Variants in MAP3K21 observed in about 807,000 individuals in gnomAD.
MAP3K21 encodes mitogen-activated protein kinase kinase kinase MLK4.
Under a neutral mutation model 86.1 loss-of-function variants are expected in MAP3K21, and 63 were observed. The ratio of observed to expected loss-of-function variants is 0.73; its 90% CI spans 0.60 to 0.90. The LOEUF (loss-of-function observed/expected upper bound fraction) is 0.90, where lower values mean the gene tolerates loss of function less well. MAP3K21 is among the 40% of genes least tolerant of loss of function. The pLI, the probability that MAP3K21 is intolerant of heterozygous loss-of-function variation, is 0.00. For missense variants in MAP3K21, 1,220 were observed against 1,367.7 expected (o/e 0.89, Z 1.70); for synonymous variants, 558 against 564.8 (o/e 0.99, Z 0.17).
chr1:233,372,199 C>G, intron 6 of MAP3K21, 39 bp downstream of exon 6: 1 of 1,608,098 alleles, frequency 6.2e-7, no homozygotes, highest in East Asian at 2.2e-5. Flanking sequence ...CCTGTGTTGA[C>G]TTCTCTCCTT....
Position 233,373,611 on chromosome 1 carries a change from A to T in MAP3K21, c.1675+1451A>T, listed in dbSNP as rs887733964. 3 of 152,400 alleles carry T rather than the reference A, an allele frequency of 2.0e-5. No individual in the cohort carries two copies. The East Asian group carries it at 5.8e-4, about 29-fold the overall frequency. 9.4% of individuals were successfully genotyped at this position (152,400 alleles called of 1,614,324 possible). A position where few individuals can be genotyped will look rare whatever the true frequency, so the allele number is the denominator to read the frequency against. ...TGGCAGCTGTTGGCTCAAGTTCTCC[A>T]GCCTGGATGTTGCTCATCTTCATTG... On this transcript the variant is annotated intron_variant, in intron 6 of 9. Transcript: ENST00000366624.
intron 6 of MAP3K21, chr1:233,374,097 T>C (rs1213088550): frequency 2.6e-5 from 4 of 152,196 alleles, no homozygotes; most frequent in Non-Finnish European, 4.4e-5. Context: ...TTATCTGTCA[T>C]TCTACTGTAA....
chr1:233,354,709 C>A, intron 3 of MAP3K21, 127 bp from the exon 4 acceptor site: 1 of 756,252 alleles, frequency 1.3e-6, no homozygotes, highest in Non-Finnish European at 2.3e-6. Flanking sequence ...GGAGCAGATA[C>A]TATAAATGGA....
intron 4 of MAP3K21, among the ~76,000 whole-genome samples, chr1:233,356,529 G>A (rs1348560832): frequency 6.6e-6 from 1 of 152,016 alleles, no homozygotes; most frequent in Non-Finnish European, 1.5e-5. Flanking sequence ...TACATATTAT[G>A]ATTCCTGTTA....
At position 233,346,446 on chromosome 1, in the gene MAP3K21, G is replaced by A. The variant is rs768441676; in HGVS notation, c.810G>A (p.Leu270=). The change falls in exon 2 of 10, where the codon TTG becomes TTA. Residue 270 remains leucine (L), a synonymous_variant. Coordinates refer to ENST00000366624, the MANE Select transcript of MAP3K21 (RefSeq NM_032435.3). ...LHRDLKSSNI[L]LLEKIEHDDI... ...TCACTTTTGATTTTTCTTTAGTTTT[G>A]CTACTTGAGAAGATAGAACATGATG... 6.3e-7 allele frequency: 1 copy of A among 1,579,760 alleles called. No homozygotes were observed. Among genetic ancestry groups the A allele is most frequent in the Non-Finnish European group, 8.6e-7 (1 of 1,162,520 alleles).
At chr1:233,352,615 G>C (rs1663271048) in intron 2 of MAP3K21, among the ~76,000 whole-genome samples, 1 of 151,988 alleles carries the variant, frequency 6.6e-6, no homozygotes, top group South Asian at 2.1e-4. Flanking sequence ...ATTTTTAGTA[G>C]AAACAGGGTT....
In MAP3K21 at chr1:233,382,492, AGT is replaced by A. The variant is rs1434818258; in HGVS notation, c.2895_2896del (p.Gln967AlafsTer26). ...TGCCTCAGGCTTACCCACAGACAGCAGTGTCTCAGCTGGCACAGACTGCCTGT... is the reference window on the plus strand; with the variant it reads ...TGCCTCAGGCTTACCCACAGACAGCAGTCTCAGCTGGCACAGACTGCCTGT... ...DLPQAYPQTA[V>X]SQLAQTACVV... On this transcript the variant is annotated frameshift_variant, in exon 10 of 10. Coordinates refer to ENST00000366624, the MANE Select transcript of MAP3K21 (RefSeq NM_032435.3). LOFTEE classifies it low-confidence loss of function (END_TRUNC). 1 of 1,614,056 alleles carries A rather than the reference AGT, an allele frequency of 6.2e-7. No homozygotes were observed. Among genetic ancestry groups the A allele is most frequent in the African/African-American group, 1.3e-5 (1 of 74,912 alleles).
rs960271205 is a variant in MAP3K21, at chr1:233,328,253, G to A, written c.225G>A (p.Ser75=). Residue 75 remains serine (S), a synonymous_variant, in exon 1 of 10, where the codon TCG becomes TCA. Transcript: ENST00000366624. This position sits in a 1 kb window ranked among gnomAD's most constrained non-coding sequence, Gnocchi z 8.7. ...TGCTGTCGCAGGACGCCGCCGTGTC[G>A]GGCGACGAGGGCTGGTGGGCAGGCC... ...VEVLSQDAAV[S]GDEGWWAGQV... is the part of the protein sequence containing the mutation. 3 of 1,489,544 alleles carry A rather than the reference G, an allele frequency of 2.0e-6. No individual in the cohort carries two copies. Among genetic ancestry groups the A allele is most frequent in the Non-Finnish European group, 2.7e-6 (3 of 1,127,876 alleles). 92.3% of individuals were successfully genotyped at this position (1,489,544 alleles called of 1,614,324 possible). A position where few individuals can be genotyped will look rare whatever the true frequency, so the allele number is the denominator to read the frequency against.
chr1:233,348,673 T>C (rs937843365), intron 2 of MAP3K21, among the ~76,000 whole-genome samples: 1 of 152,188 alleles, frequency 6.6e-6, no homozygotes, highest in African/African-American at 2.4e-5. Context: ...TCTGACCTTT[T>C]GATTCGGGCC....
rs951641435 is a variant in MAP3K21, at chr1:233,383,411, A to G, written c.*700A>G. On this transcript the variant is annotated 3_prime_UTR_variant, in exon 10 of 10. Transcript: ENST00000366624. ...AAAGCTTTACTGAATATAAGTTATA[A>G]GCATTTTATTCATTAGAACTCCAAA... 9.0e-6 allele frequency: 1 copy of G among 111,154 alleles called. No individual in the cohort carries two copies. The highest frequency in any genetic ancestry group is 2.0e-5 in the Non-Finnish European group (1 of 49,870). 6.9% of individuals were successfully genotyped at this position (111,154 alleles called of 1,614,324 possible).
intron 6 of MAP3K21, among the ~76,000 whole-genome samples, chr1:233,375,086 C>T (rs974635901): frequency 4.6e-5 from 7 of 151,658 alleles, no homozygotes; most frequent in Admixed American, 2.0e-4. Flanking sequence ...GGATTACAGG[C>T]GCCCGCCACC....
intron 2 of MAP3K21, among the ~76,000 whole-genome samples, chr1:233,351,344 A>G (rs964084693): frequency 6.6e-6 from 1 of 152,166 alleles, no homozygotes; most frequent in Non-Finnish European, 1.5e-5. Flanking sequence ...ATGTTTTGAG[A>G]TGGTAGAGTG....
intron 1 of MAP3K21, among the ~76,000 whole-genome samples, chr1:233,330,374 T>C (rs1415234118): frequency 6.6e-6 from 1 of 152,236 alleles, no homozygotes; most frequent in African/African-American, 2.4e-5. Flanking sequence ...TTGCTTGCTT[T>C]TGAACTGTGT....
At position 233,379,617 on chromosome 1, in the gene MAP3K21, C is replaced by T. The variant is rs775720657; in HGVS notation, c.2611C>T (p.Gln871Ter). ...VSRNLPSSFLQQTCGNVPYCA... is the reference protein window; with the variant it reads ...VSRNLPSSFL ...AAGAAACTTGCCGTCTTCCTTCCTA[C>T]AGCAGACATGTGGGAATGTACCTTA... The change falls in exon 9 of 10, where the codon CAG becomes TAG. Residue 871 changes from glutamine to a stop codon, truncating the protein, a stop_gained. Coordinates refer to ENST00000366624, the MANE Select transcript of MAP3K21 (RefSeq NM_032435.3). LOFTEE classifies it high-confidence loss of function. 5.6e-6 allele frequency: 9 copies of T among 1,614,138 alleles called. No homozygotes were observed. The highest frequency in any genetic ancestry group is 3.3e-5 in the Admixed American group (2 of 60,024).
chr1:233,382,040 A>T (rs1025875755), intron 9 of MAP3K21, among the ~76,000 whole-genome samples: 3 of 152,144 alleles, frequency 2.0e-5, no homozygotes, highest in Admixed American at 2.0e-4. Context: ...CTCTTTGCAA[A>T]CTTGCAGGAC....
intron 2 of MAP3K21, 27 bp downstream of exon 2, chr1:233,346,649 G>A (rs1431633106): frequency 5.0e-6 from 8 of 1,597,450 alleles, no homozygotes; most frequent in Non-Finnish European, 6.0e-6. Flanking sequence ...GCAAACATCG[G>A]CAGAAACTGC....
At chr1:233,373,883 A>G in intron 6 of MAP3K21, 1 of 152,514 alleles carries the variant, frequency 6.6e-6, no homozygotes, top group Non-Finnish European at 1.5e-5. Flanking sequence ...TGGAAACAAA[A>G]GAGAAACCAG....
rs535983791 is a variant in MAP3K21, at chr1:233,342,001, C to T, written c.806-4441C>T. 2.0e-5 allele frequency among the ~76,000 whole-genome samples: 3 copies of T among 151,714 alleles called. No individual in the cohort carries two copies. The East Asian group carries it at 5.8e-4, about 29-fold the overall frequency. On this transcript the variant is annotated intron_variant, in intron 1 of 9. Transcript: ENST00000366624. The stretch of plus-strand genomic sequence containing the variant: ...GATGAAAAAAAAAAGCTAATTAATT[C>T]CCCTGTATTTTGTTGTTGTTGTTGT...
In MAP3K21 at chr1:233,376,784, A is replaced by G. The variant is rs542196243; in HGVS notation, c.1924+257A>G. ...ACCAGAAACATTATTATCACAATTA[A>G]TTATGTAAAACCAAATCAATTTAGT... On this transcript the variant is annotated intron_variant, in intron 8 of 9. Transcript: ENST00000366624. 2.6e-5 allele frequency among the ~76,000 whole-genome samples: 4 copies of G among 152,338 alleles called. No homozygotes were observed. In the East Asian group the frequency reaches 7.7e-4, roughly 29 times the overall value.
Sources: allele counts gnomAD v4.1 joint callset (sites outside exome capture counted in the v4.1 genomes callset), GRCh38; gene constraint gnomAD v4.1.1; non-coding constraint Gnocchi (gnomAD v3.1); transcripts MANE v1.5; gene names NCBI Gene and HGNC (gene_info 2026-07-23, HGNC 2026-07-21).